Variants in MAGI2 observed in about 807,000 individuals in gnomAD.
The protein encoded by MAGI2 is membrane-associated guanylate kinase, WW and PDZ domain-containing protein 2.
In MAGI2, 35 loss-of-function variants were observed where a neutral mutation model predicts 133.3. That is an observed-to-expected ratio of 0.26 (90% CI 0.20 to 0.35). The LOEUF (loss-of-function observed/expected upper bound fraction) is 0.35, where lower values mean the gene tolerates loss of function less well. Ranked by LOEUF, MAGI2 falls within the 10% of genes least tolerant of loss-of-function variation. The probability of loss-of-function intolerance (pLI) is 1.00; values close to 1 mark genes in which losing one functional copy is unlikely to be tolerated. For synonymous variants in MAGI2, 729 were observed against 710.6 expected (o/e 1.03, Z -0.41); for missense variants, 1,636 against 1,863.4 (o/e 0.88, Z 2.25).
At chr7:78,086,849 G>T (rs996550513) in intron 20 of MAGI2, among the ~76,000 whole-genome samples, 2 of 151,924 alleles carry the variant, frequency 1.3e-5, no homozygotes, top group African/African-American at 4.8e-5. Context: ...TGCCCAGGCT[G>T]GTCTTGAGTT....
chr7:78,571,516 T>C (rs974851690), intron 3 of MAGI2, among the ~76,000 whole-genome samples: 1 of 152,198 alleles, frequency 6.6e-6, no homozygotes, highest in Admixed American at 6.5e-5. Context: ...GAAAAGTGTT[T>C]ATAGAACATC....
chr7:78,751,585 T>C (rs1316711846), intron 2 of MAGI2, among the ~76,000 whole-genome samples: 2 of 152,196 alleles, frequency 1.3e-5, no homozygotes, highest in Admixed American at 6.5e-5. Context: ...CACAGAAAGA[T>C]TGCCCACCTT....
intron 2 of MAGI2, among the ~76,000 whole-genome samples, chr7:78,810,997 C>T (rs1788996038): frequency 6.6e-6 from 1 of 151,836 alleles, no homozygotes; most frequent in African/African-American, 2.4e-5. Context: ...TGGATGTAGG[C>T]AATAAATTGA....
At chr7:79,105,552 C>T (rs1818377201) in intron 1 of MAGI2, among the ~76,000 whole-genome samples, 1 of 152,168 alleles carries the variant, frequency 6.6e-6, no homozygotes, top group Non-Finnish European at 1.5e-5. Flanking sequence ...TATAGAAGCA[C>T]AAAATTTAAA....
intron 3 of MAGI2, among the ~76,000 whole-genome samples, chr7:78,541,327 C>T (rs1377516040): frequency 6.6e-6 from 1 of 152,184 alleles, no homozygotes; most frequent in Non-Finnish European, 1.5e-5. Flanking sequence ...CATAGCCCTT[C>T]TATTTTCCTG....
chr7:78,564,783 CTTTTTTT>C (rs35069216), intron 3 of MAGI2, among the ~76,000 whole-genome samples: 13 of 64,316 alleles, frequency 2.0e-4, no homozygotes, highest in East Asian at 5.5e-4. Context: ...CTTTGACATT[CTTTTTTT>C]TTTTTTTTTT....
chr7:78,079,974 C>A (rs139967164), intron 20 of MAGI2, among the ~76,000 whole-genome samples: 2 of 152,316 alleles, frequency 1.3e-5, no homozygotes, highest in African/African-American at 4.8e-5. Flanking sequence ...AGCAAAAGCA[C>A]AACGAGTTGC....
intron 16 of MAGI2, among the ~76,000 whole-genome samples, chr7:78,143,374 A>G (rs71573374): frequency 3.9e-5 from 6 of 152,176 alleles, no homozygotes; most frequent in Non-Finnish European, 5.9e-5. Flanking sequence ...ATGCAAATCT[A>G]CCTTTTAAAG....
intron 15 of MAGI2, among the ~76,000 whole-genome samples, chr7:78,165,606 C>T (rs1025143204): frequency 6.6e-6 from 1 of 152,164 alleles, no homozygotes; most frequent in South Asian, 2.1e-4. Context: ...CACAGCACTG[C>T]TCCTCTGTGC....
At chr7:78,581,446 T>C (rs1802828045) in intron 3 of MAGI2, among the ~76,000 whole-genome samples, 1 of 152,208 alleles carries the variant, frequency 6.6e-6, no homozygotes, top group African/African-American at 2.4e-5. Flanking sequence ...CAGATATGCA[T>C]AGCAGTATAT....
intron 6 of MAGI2, among the ~76,000 whole-genome samples, chr7:78,431,169 G>A (rs12154832): frequency 0.14 from 20,721 of 151,734 alleles, 1,719 homozygotes; most frequent in African/African-American, 0.23. Context: ...TGCTGATTCA[G>A]TGAACTTTTG....
intron 3 of MAGI2, chr7:78,617,037 T>C (rs1367906580): frequency 6.6e-6 from 1 of 151,968 alleles, no homozygotes; most frequent in Non-Finnish European, 1.5e-5. Flanking sequence ...AAATAAATAA[T>C]TGGAACAGAA....
intron 21 of MAGI2, among the ~76,000 whole-genome samples, chr7:78,058,147 A>G (rs1310317125): frequency 6.6e-6 from 1 of 151,894 alleles, no homozygotes; most frequent in Non-Finnish European, 1.5e-5. Flanking sequence ...ACAATCTTTC[A>G]TCAGAAAAAC....
intron 3 of MAGI2, among the ~76,000 whole-genome samples, chr7:78,600,324 AT>A (rs1235098686): frequency 9.2e-5 from 14 of 152,266 alleles, no homozygotes; most frequent in Non-Finnish European, 1.5e-4. Flanking sequence ...AGACATATAG[AT>A]GGAGAGTTAA....
At chr7:78,572,244 C>T (rs755752431) in intron 3 of MAGI2, among the ~76,000 whole-genome samples, 22 of 152,186 alleles carry the variant, frequency 1.4e-4, no homozygotes, top group Admixed American at 1.0e-3. Context: ...TGTTTTAATG[C>T]TATTTAATTG....
intron 2 of MAGI2, among the ~76,000 whole-genome samples, chr7:78,741,082 G>T (rs1462864767): frequency 1.3e-5 from 2 of 152,058 alleles, no homozygotes; most frequent in Non-Finnish European, 2.9e-5. Flanking sequence ...CCATCCGGGA[G>T]TTTTTAACTT....
At chr7:78,704,138 C>G (rs761109534) in intron 2 of MAGI2, among the ~76,000 whole-genome samples, 23 of 152,064 alleles carry the variant, frequency 1.5e-4, no homozygotes, top group African/African-American at 2.4e-4. Flanking sequence ...AGACAACCTA[C>G]AGAATGGGAG....
At chr7:78,232,349 G>C (rs1442135522) in intron 10 of MAGI2, among the ~76,000 whole-genome samples, 1 of 152,096 alleles carries the variant, frequency 6.6e-6, no homozygotes, top group Non-Finnish European at 1.5e-5. Flanking sequence ...TAAAGCTGTA[G>C]TATAATTAGG....
rs1807949047 is a variant in MAGI2 at position 78,018,259 on chromosome 7, A to G, written c.*1056T>C. ...CTTTAATGAAAATAAATTGATTGTAATTTTTTAATATTATAATCTGAGAAA... is the reference window on the plus strand; with the variant it reads ...CTTTAATGAAAATAAATTGATTGTAGTTTTTTAATATTATAATCTGAGAAA... On this transcript the variant is annotated 3_prime_UTR_variant, in exon 22 of 22. Transcript: ENST00000354212. The G allele has an allele frequency of 6.6e-6, 1 of 152,622 alleles. No individual in the cohort carries two copies. The highest frequency in any genetic ancestry group is 2.4e-5 in the African/African-American group (1 of 41,434). The allele number at this position is 152,622 out of a possible 1,614,324, so 9.5% of individuals were successfully genotyped here.
Sources: allele counts gnomAD v4.1 joint callset (sites outside exome capture counted in the v4.1 genomes callset), GRCh38; gene constraint gnomAD v4.1.1; transcripts MANE v1.5; gene names NCBI Gene and HGNC (gene_info 2026-07-23, HGNC 2026-07-21).